The following SLC49A3 variants were observed in gnomAD, a reference collection of about 807,000 sequenced individuals.
SLC49A3 encodes solute carrier family 49 member 3, also known as solute carrier family 49 member A3.
A neutral mutation model predicts 43.8 loss-of-function variants in SLC49A3; 50 were observed. That is an observed-to-expected ratio of 1.14 (90% CI 0.91 to 1.45). The LOEUF is 1.45. SLC49A3 is among the 40% of genes most tolerant of loss of function. The pLI is 0.00. For missense variants in SLC49A3, 906 were observed against 774.1 expected, an observed-to-expected ratio of 1.17 and a Z score of -2.02; for synonymous variants, 413 against 352.0, an observed-to-expected ratio of 1.17 and a Z score of -1.94.
At chr4:678,642 GGT>G (rs746347755), downstream of SLC49A3, 42 of 1,595,162 alleles carry the variant, frequency 2.6e-5, no homozygotes, top group Middle Eastern at 9.9e-4. Context: ...CCTCAGCCAT[GGT>G]GCTCCCACCG....
chr4:683,824 C>T, intron 6 of SLC49A3, 63 bp from the exon 7 acceptor site: 2 of 1,512,954 alleles, frequency 1.3e-6, no homozygotes, highest in Non-Finnish European at 1.8e-6. Flanking sequence ...TGCATGCCGT[C>T]AGGGCAGGGG....
Position 685,770 on chromosome 4 carries a change from G to T in SLC49A3, c.585+65C>A. 6.5e-7 allele frequency: 1 copy of T among 1,542,418 alleles called. No homozygotes were observed. Among genetic ancestry groups the T allele is most frequent in the South Asian group, 1.1e-5 (1 of 88,988 alleles). On this transcript the variant is annotated intron_variant, in intron 4 of 9. Transcript: ENST00000322224. This position sits in a 1 kb window ranked among gnomAD's most constrained non-coding sequence, Gnocchi z 4.3. ...GGAACACGGACACACTTGGGATCAG[G>T]AACACACAGACGTGCATGCGCACAC...
intron 6 of SLC49A3, 134 bp from the exon 7 acceptor site, chr4:683,895 G>T (rs769537111): frequency 1.7e-6 from 2 of 1,166,958 alleles, no homozygotes; most frequent in Middle Eastern, 3.1e-4. Flanking sequence ...GCTTCCAGAC[G>T]CACCGCTGGC....
rs1383302617 is a variant in SLC49A3 at position 682,790 on chromosome 4, C to G, written c.1252G>C (p.Asp418His). 3 of 1,587,826 alleles carry G rather than the reference C, an allele frequency of 1.9e-6. No individual in the cohort carries two copies. Among genetic ancestry groups the G allele is most frequent in the African/African-American group, 2.7e-5 (2 of 74,754 alleles). ...CCCATGTGAGGCTCACCTGTCCAGT[C>G]AAGTGGATCCTCCCCCTGCTGGCAG... ...STCQQGEDPL[D>H]WTVSLLLMAG... The change falls in exon 9 of 10, where the codon GAC becomes CAC. Residue 418 changes from aspartate (D) to histidine (H), a missense_variant. Physicochemically the swap from Asp to His is moderately conservative, Grantham distance 81 (BLOSUM62 -1). Coordinates refer to ENST00000322224, the MANE Select transcript of SLC49A3 (RefSeq NM_032219.4).
chr4:689,811 G>C (rs553114190), upstream of SLC49A3, among the ~76,000 whole-genome samples: 6 of 152,372 alleles, frequency 3.9e-5, no homozygotes, highest in African/African-American at 1.4e-4. Flanking sequence ...GTTTGTTTAG[G>C]ATGGAGAGGC....
chr4:682,695 G>A (rs1173449633), intron 9 of SLC49A3, 86 bp downstream of exon 9: 10 of 1,132,296 alleles, frequency 8.8e-6, no homozygotes, highest in South Asian at 6.9e-5. Context: ...GGCTCCCCAC[G>A]TAGGGTTCAC....
chr4:678,982 C>T (rs369788415), downstream of SLC49A3: 39 of 1,613,670 alleles, frequency 2.4e-5, no homozygotes, highest in Middle Eastern at 1.6e-4. Flanking sequence ...GGATCAGAAC[C>T]GAGATGGCTT....
intron 2 of SLC49A3, 98 bp downstream of exon 2, chr4:686,434 C>G (rs1741050907): frequency 1.3e-6 from 2 of 1,563,440 alleles, no homozygotes; most frequent in Non-Finnish European, 1.7e-6. Context: ...GCTGTTGGGA[C>G]TGGTGGGCCC....
chr4:680,597 C>CGG (rs59434534), downstream of SLC49A3: 10,329 of 1,612,638 alleles, frequency 6.4e-3, 570 homozygotes, highest in African/African-American at 0.12. Context: ...AGTGAGTGCC[C>CGG]GGGCGGCCAG....
intron 1 of SLC49A3, 140 bp downstream of exon 1, chr4:688,853 A>C: frequency 7.5e-7 from 1 of 1,342,118 alleles, no homozygotes; most frequent in South Asian, 1.6e-5. Flanking sequence ...CAGTGCCCGC[A>C]ATCCCTAGCC....
downstream of SLC49A3, chr4:677,825 G>T: frequency 2.5e-6 from 2 of 790,624 alleles, no homozygotes; most frequent in Non-Finnish European, 4.3e-6. Flanking sequence ...GGCCTTGCGG[G>T]GTGAGGCAGG....
At chr4:680,818 ACTC>A (rs1739396062), downstream of SLC49A3, 1 of 629,824 alleles carries the variant, frequency 1.6e-6, no homozygotes, top group African/African-American at 1.8e-5. Context: ...CCCTCAGCCC[ACTC>A]CTCCATCTTC....
At chr4:681,114 C>T (rs1019174379), downstream of SLC49A3, 4 of 1,606,932 alleles carry the variant, frequency 2.5e-6, no homozygotes, top group South Asian at 4.5e-5. Context: ...GCTGATGTCC[C>T]AGGCTGACAA....
rs1741557009 is a variant in SLC49A3 at position 688,839 on chromosome 4, C to G, written c.135+154G>C. 6 of 1,240,914 alleles carry G rather than the reference C, an allele frequency of 4.8e-6. No individual in the cohort carries two copies. In the East Asian group the frequency reaches 1.6e-4, roughly 33 times the overall value. The allele number at this position is 1,240,914 out of a possible 1,614,324, so 76.9% of individuals were successfully genotyped here. On this transcript the variant is annotated intron_variant, in intron 1 of 9. Transcript: ENST00000322224. The stretch of plus-strand genomic sequence containing the variant: ...CCAGCCACCTCCAGGACAGACAGTG[C>G]CCCCAGTGCCCGCAATCCCTAGCCA...
downstream of SLC49A3, chr4:681,135 G>T (rs1233430076): frequency 1.2e-6 from 2 of 1,605,828 alleles, no homozygotes; most frequent in Admixed American, 1.7e-5. Flanking sequence ...GATGACGGCG[G>T]AAGAGGTCTG....
intron 1 of SLC49A3, 118 bp from the exon 2 acceptor site, chr4:686,808 G>A (rs1307565235): frequency 6.0e-6 from 8 of 1,329,214 alleles, no homozygotes; most frequent in Non-Finnish European, 8.1e-6. Context: ...AGGGGACACA[G>A]CGAGCTGGAC....
downstream of SLC49A3, chr4:678,202 G>T: frequency 6.6e-7 from 1 of 1,518,152 alleles, no homozygotes; most frequent in South Asian, 1.3e-5. Flanking sequence ...GTGCGTGTGT[G>T]TGACCTTGCG....
In SLC49A3 at chr4:682,854, C is replaced by A. The variant is rs535181168; in HGVS notation, c.1188G>T (p.Thr396=). The A allele has an allele frequency of 6.2e-7, 1 of 1,603,972 alleles. No homozygotes were observed. The highest frequency in any genetic ancestry group is 8.5e-7 in the Non-Finnish European group (1 of 1,173,914). The change falls in exon 9 of 10, where the codon ACG becomes ACT. Residue 396 remains threonine (T), a synonymous_variant. Coordinates refer to ENST00000322224, the MANE Select transcript of SLC49A3 (RefSeq NM_032219.4). ...GCTCCGAGCGTCGCACAGTCAGTGC[C>A]GTCATTGCCAGCATGATGAGTATTC... The part of the protein sequence containing the change: ...AEGILIMLAM[T]ALTVRRSEPS...
intron 4 of SLC49A3, 130 bp from the exon 5 acceptor site, chr4:684,986 C>A: frequency 7.6e-7 from 1 of 1,312,134 alleles, no homozygotes; most frequent in Non-Finnish European, 1.0e-6. Flanking sequence ...AACCTCTGGT[C>A]TGCAGCTGCC....
Sources: gnomAD v4.1 joint callset for allele counts (sites outside exome capture counted in the v4.1 genomes callset) on GRCh38, gnomAD v4.1.1 for gene constraint, Gnocchi (gnomAD v3.1) non-coding constraint, MANE v1.5 for transcripts, NCBI Gene and HGNC (gene_info 2026-07-23, HGNC 2026-07-21) for gene names.